Variants in METTL16 observed in about 807,000 individuals in gnomAD.
METTL16 encodes the protein RNA N(6)-adenosine-methyltransferase METTL16.
METTL16 carries 19 observed loss-of-function variants against 57.9 expected under a neutral mutation model. The observed-to-expected ratio is 0.33, with a 90% CI of 0.23 to 0.48. The LOEUF (loss-of-function observed/expected upper bound fraction) is 0.48. Among genes scored for constraint, METTL16 ranks in the 20% least tolerant of loss-of-function variants. METTL16 has a pLI of 0.99. For missense variants in METTL16, 434 were observed against 691.5 expected (o/e 0.63, Z 4.18); for synonymous variants, 246 against 255.6 (o/e 0.96, Z 0.36).
intron 6 of METTL16, among the ~76,000 whole-genome samples, chr17:2,454,198 C>T (rs972460879): frequency 3.3e-5 from 5 of 152,126 alleles, no homozygotes; most frequent in Non-Finnish European, 1.5e-5. Flanking sequence ...TTTACCGTTT[C>T]TCCAAAAAAC....
chr17:2,428,603 A>AC (rs2066843825), intron 8 of METTL16, among the ~76,000 whole-genome samples: 2 of 14,210 alleles, frequency 1.4e-4, no homozygotes, highest in Non-Finnish European at 2.2e-4. Flanking sequence ...ATATATATAT[A>AC]AATTGTAATA....
intron 1 of METTL16, among the ~76,000 whole-genome samples, chr17:2,511,029 G>A (rs1179083603): frequency 1.3e-5 from 2 of 151,992 alleles, no homozygotes; most frequent in African/African-American, 4.8e-5. Flanking sequence ...GGGCCTAAGA[G>A]AGTAGGCACT....
intron 1 of METTL16, among the ~76,000 whole-genome samples, chr17:2,507,019 C>CGTCTGGGA (rs1337915898): frequency 1.3e-5 from 2 of 151,180 alleles, no homozygotes; most frequent in Non-Finnish European, 3.0e-5. Context: ...GCAGCCACCC[C>CGTCTGGGA]GTCTGGGAAG....
At chr17:2,454,855 C>T (rs1268110782) in intron 6 of METTL16, among the ~76,000 whole-genome samples, 1 of 151,784 alleles carries the variant, frequency 6.6e-6, no homozygotes, top group African/African-American at 2.4e-5. Context: ...TGAGCCCCCA[C>T]GCCCAGCCAA....
chr17:2,467,202 A>T (rs559947859), intron 5 of METTL16, among the ~76,000 whole-genome samples: 2 of 152,212 alleles, frequency 1.3e-5, no homozygotes, highest in East Asian at 3.9e-4. Flanking sequence ...TCAAACCAAA[A>T]GCCCCCTAAC....
chr17:2,506,518 C>A (rs1007453009), intron 1 of METTL16, among the ~76,000 whole-genome samples: 9 of 150,722 alleles, frequency 6.0e-5, no homozygotes, highest in African/African-American at 1.9e-4. Context: ...CAGCTCCTAA[C>A]CGCGAGTGAT....
intron 6 of METTL16, among the ~76,000 whole-genome samples, chr17:2,450,525 C>G (rs745913657): frequency 2.6e-5 from 4 of 152,182 alleles, no homozygotes; most frequent in Non-Finnish European, 5.9e-5. Context: ...ACTCATCCAA[C>G]TGCACACTTA....
chr17:2,421,789 T>A (rs2151682886), intron 8 of METTL16, among the ~76,000 whole-genome samples: 1 of 151,970 alleles, frequency 6.6e-6, no homozygotes, highest in East Asian at 1.9e-4. Context: ...GCCACTAAGA[T>A]CACGTGGGCA....
intron 6 of METTL16, among the ~76,000 whole-genome samples, chr17:2,452,415 C>T (rs766768496): frequency 7.9e-5 from 12 of 152,038 alleles, no homozygotes; most frequent in Admixed American, 2.0e-4. Context: ...CCTATTTTAG[C>T]TGCACATTTT....
intron 2 of METTL16, among the ~76,000 whole-genome samples, chr17:2,493,051 T>C (rs1238469626): frequency 6.6e-6 from 1 of 151,744 alleles, no homozygotes; most frequent in African/African-American, 2.4e-5. Context: ...TAAGTGACAC[T>C]CTGACCCACT....
At chr17:2,487,959 C>T (rs577312192) in intron 2 of METTL16, among the ~76,000 whole-genome samples, 4 of 151,736 alleles carry the variant, frequency 2.6e-5, no homozygotes, top group East Asian at 2.0e-4. Context: ...GAGCTGTGAT[C>T]GCATCACTGT....
chr17:2,498,624 A>G (rs2151578856), intron 2 of METTL16, among the ~76,000 whole-genome samples: 1 of 151,510 alleles, frequency 6.6e-6, no homozygotes, highest in South Asian at 2.1e-4. Flanking sequence ...CTGTAATCCC[A>G]GCTACTCAGG....
At chr17:2,499,532 T>C (rs1202914000) in intron 2 of METTL16, among the ~76,000 whole-genome samples, 1 of 152,008 alleles carries the variant, frequency 6.6e-6, no homozygotes, top group Admixed American at 6.6e-5. Context: ...AACAATGACT[T>C]ACAAACAATG....
chr17:2,436,278 G>C (rs2066908063), intron 8 of METTL16, among the ~76,000 whole-genome samples: 1 of 152,136 alleles, frequency 6.6e-6, no homozygotes, highest in Non-Finnish European at 1.5e-5. Flanking sequence ...TTTTTAACCA[G>C]AGACTATTTC....
intron 2 of METTL16, among the ~76,000 whole-genome samples, chr17:2,480,243 T>G (rs1295937067): frequency 2.0e-5 from 3 of 151,374 alleles, no homozygotes; most frequent in African/African-American, 7.3e-5. Context: ...GGAAAAGACC[T>G]TGCAAAAAGA....
chr17:2,433,242 T>A (rs1411838011), intron 8 of METTL16, among the ~76,000 whole-genome samples: 1 of 152,210 alleles, frequency 6.6e-6, no homozygotes, highest in African/African-American at 2.4e-5. Context: ...GAGCAAAGGC[T>A]GTACAAAGTC....
At chr17:2,459,392 A>T (rs1466078659) in intron 6 of METTL16, among the ~76,000 whole-genome samples, 1 of 152,186 alleles carries the variant, frequency 6.6e-6, no homozygotes, top group African/African-American at 2.4e-5. Flanking sequence ...ATACAAAACA[A>T]AACTGTTAAC....
At chr17:2,488,638 G>C (rs1283790737) in intron 2 of METTL16, among the ~76,000 whole-genome samples, 1 of 152,124 alleles carries the variant, frequency 6.6e-6, no homozygotes, top group Admixed American at 6.6e-5. Context: ...AAGTCTTTGA[G>C]GATATCAAGC....
At chr17:2,478,810 C>A (rs1020862809) in intron 2 of METTL16, among the ~76,000 whole-genome samples, 3 of 152,314 alleles carry the variant, frequency 2.0e-5, no homozygotes, top group Non-Finnish European at 2.9e-5. Flanking sequence ...TGTTTCACTT[C>A]TTTTTATGGG....
Sources: allele counts gnomAD v4.1 joint callset (sites outside exome capture counted in the v4.1 genomes callset), GRCh38; gene constraint gnomAD v4.1.1; transcripts MANE v1.5; gene names NCBI Gene and HGNC (gene_info 2026-07-23, HGNC 2026-07-21).